MTHFD2L: variants seen among roughly 807,000 people sequenced by gnomAD.
The protein encoded by MTHFD2L is methylenetetrahydrofolate dehydrogenase (NADP+ dependent) 2 like.
In MTHFD2L, 29 loss-of-function variants were observed where a neutral mutation model predicts 34.9. That is an observed-to-expected ratio of 0.83 (90% CI 0.62 to 1.13). MTHFD2L has a LOEUF of 1.13. Ranked by LOEUF, MTHFD2L falls within the 50% of genes most tolerant of loss-of-function variation. The pLI is 0.00. For synonymous variants in MTHFD2L, 167 were observed against 155.7 expected (o/e 1.07, Z -0.54); for missense variants, 481 against 446.5 (o/e 1.08, Z -0.70).
At chr4:74,150,452 C>T (rs1342542694) in intron 1 of MTHFD2L, among the ~76,000 whole-genome samples, 1 of 152,196 alleles carries the variant, frequency 6.6e-6, no homozygotes, top group South Asian at 2.1e-4. Flanking sequence ...CGGTGTTTCT[C>T]TATGTTGGTC....
chr4:74,164,929 C>T lies in MTHFD2L; in HGVS notation c.143+6648C>T, dbSNP rs895145577. 3 of 978,528 alleles carry T rather than the reference C, an allele frequency of 3.1e-6. No homozygotes were observed. The African/African-American group carries it at 5.3e-5, about 17-fold the overall frequency. The allele number at this position is 978,528 out of a possible 1,614,324, so 60.6% of individuals were successfully genotyped here. A position where few individuals can be genotyped will look rare whatever the true frequency, so the allele number is the denominator to read the frequency against. On this transcript the variant is annotated intron_variant, in intron 1 of 7. Coordinates refer to ENST00000325278, the MANE Select transcript of MTHFD2L (RefSeq NM_001144978.3). ...TCTTGCCTTTAGGGGAAGGTCATTT[C>T]TGCCTTTGTGGGAAACCACCTGAGC...
intron 3 of MTHFD2L, chr4:74,181,765 T>G (rs1045484565): frequency 6.6e-6 from 1 of 152,134 alleles, no homozygotes; most frequent in Non-Finnish European, 1.5e-5. Flanking sequence ...GAATGAACTA[T>G]AGGATTAAAG....
chr4:74,275,857 C>T (rs1369513710), intron 6 of MTHFD2L, among the ~76,000 whole-genome samples: 3 of 152,034 alleles, frequency 2.0e-5, no homozygotes, highest in Non-Finnish European at 4.4e-5. Context: ...AGACCTTTGT[C>T]ATATGGTAGA....
upstream of MTHFD2L, among the ~76,000 whole-genome samples, chr4:74,155,771 T>G (rs1724199113): frequency 6.6e-6 from 1 of 152,064 alleles, no homozygotes; most frequent in Non-Finnish European, 1.5e-5. Context: ...CTTTATTGTC[T>G]GAGAAATGCA....
chr4:74,259,610 C>G (rs556991982), intron 6 of MTHFD2L, among the ~76,000 whole-genome samples: 2 of 152,322 alleles, frequency 1.3e-5, no homozygotes, highest in African/African-American at 4.8e-5. Flanking sequence ...TTATTTGAAA[C>G]AGACCATAGG....
intron 6 of MTHFD2L, among the ~76,000 whole-genome samples, chr4:74,259,181 A>G (rs193249904): frequency 3.9e-5 from 6 of 152,306 alleles, no homozygotes; most frequent in Admixed American, 3.9e-4. Flanking sequence ...TCTCTCCAGA[A>G]GGAGCAGGCT....
At chr4:74,219,724 C>A (rs1737825192) in intron 5 of MTHFD2L, among the ~76,000 whole-genome samples, 1 of 152,080 alleles carries the variant, frequency 6.6e-6, no homozygotes. Context: ...CTGTTTGGTT[C>A]ACCTCTCTTC....
intron 5 of MTHFD2L, among the ~76,000 whole-genome samples, chr4:74,202,031 A>G (rs1159379808): frequency 6.6e-6 from 1 of 152,228 alleles, no homozygotes; most frequent in Admixed American, 6.5e-5. Context: ...CGATGGATGA[A>G]TAAAGTACAC....
intron 1 of MTHFD2L, among the ~76,000 whole-genome samples, chr4:74,139,741 T>A (rs1049046103): frequency 1.3e-5 from 2 of 152,222 alleles, no homozygotes; most frequent in African/African-American, 4.8e-5. Flanking sequence ...AAAGCACTGC[T>A]TCTGCTGCAC....
At chr4:74,231,586 T>C (rs1211354439) in intron 6 of MTHFD2L, among the ~76,000 whole-genome samples, 2 of 152,194 alleles carry the variant, frequency 1.3e-5, no homozygotes, top group Non-Finnish European at 2.9e-5. Context: ...CCTTCCCTCC[T>C]TCCTAAAAGT....
chr4:74,205,256 T>C (rs575075758), intron 5 of MTHFD2L, among the ~76,000 whole-genome samples: 373 of 152,296 alleles, frequency 2.4e-3, no homozygotes, highest in Non-Finnish European at 4.1e-3. Flanking sequence ...ATTTCAAACA[T>C]GCGTGTCTGT....
chr4:74,204,815 A>G (rs1468521802), intron 5 of MTHFD2L, among the ~76,000 whole-genome samples: 2 of 152,126 alleles, frequency 1.3e-5, no homozygotes, highest in African/African-American at 4.8e-5. Context: ...TTATAGATGC[A>G]TACATATGCA....
At chr4:74,124,735 G>T (rs1482248993), upstream of MTHFD2L, among the ~76,000 whole-genome samples, 14 of 152,006 alleles carry the variant, frequency 9.2e-5, no homozygotes, top group Admixed American at 9.2e-4. Context: ...ATTGTGCCAA[G>T]TATTAGTACA....
At chr4:74,128,360 T>G (rs1722225796) in intron 1 of MTHFD2L, among the ~76,000 whole-genome samples, 1 of 152,120 alleles carries the variant, frequency 6.6e-6, no homozygotes, top group African/African-American at 2.4e-5. Context: ...GGTCTTAGAT[T>G]TAAGTCTTTA....
At chr4:74,182,147 C>A (rs947162610) in intron 3 of MTHFD2L, among the ~76,000 whole-genome samples, 5 of 151,900 alleles carry the variant, frequency 3.3e-5, no homozygotes, top group Admixed American at 3.3e-4. Context: ...TGGGAGAAAC[C>A]CCAGTTCTGT....
In MTHFD2L at chr4:74,175,335, T is replaced by G; in HGVS notation, c.383T>G (p.Leu128Trp). 1.2e-6 allele frequency: 2 copies of G among 1,613,342 alleles called. No individual in the cohort carries two copies. Among genetic ancestry groups the G allele is most frequent in the Non-Finnish European group, 1.7e-6 (2 of 1,179,436 alleles). The change falls in exon 3 of 8, where the codon TTG becomes TGG. Residue 128 changes from leucine to tryptophan, a missense_variant. Coordinates refer to ENST00000325278, the MANE Select transcript of MTHFD2L (RefSeq NM_001144978.3). Reference sequence around the variant, plus strand: ...AAGGATGTTTCTCAGGAAGAACTTTTGGACGTAACTGATCAATTGAATATG... The same window carrying G: ...AAGGATGTTTCTCAGGAAGAACTTTGGGACGTAACTGATCAATTGAATATG... ...KPKDVSQEEL[L>W]DVTDQLNMDP...
At chr4:74,123,891 C>G (rs1052086370), upstream of MTHFD2L, among the ~76,000 whole-genome samples, 1 of 152,094 alleles carries the variant, frequency 6.6e-6, no homozygotes, top group Admixed American at 6.6e-5. Context: ...CCCTAATTTG[C>G]ATTAAATTTG....
intron 3 of MTHFD2L, among the ~76,000 whole-genome samples, chr4:74,184,367 T>G (rs1407451815): frequency 1.3e-5 from 2 of 152,152 alleles, no homozygotes; most frequent in Admixed American, 1.3e-4. Flanking sequence ...AAATGAAAGC[T>G]GGAAGAGCTA....
rs1017045911 is a variant in MTHFD2L, at chr4:74,145,317, T to C, written c.-296-14738T>C. Among the ~76,000 whole-genome samples the C allele has an allele frequency of 2.0e-5, 3 of 152,332 alleles. No homozygotes were observed. The East Asian group carries it at 5.8e-4, about 29-fold the overall frequency. On this transcript the variant is annotated intron_variant, in intron 1 of 7. Coordinates refer to the MTHFD2L transcript ENST00000433372. ...ACATAGCATATACATTGTATTGATA[T>C]TATAAGTAATCTAGAGATGATTTAA...
Sources: allele counts gnomAD v4.1 joint callset (sites outside exome capture counted in the v4.1 genomes callset), GRCh38; gene constraint gnomAD v4.1.1; transcripts MANE v1.5; gene names NCBI Gene and HGNC (gene_info 2026-07-23, HGNC 2026-07-21).